Variants in AKAP7 observed in about 807,000 individuals in gnomAD.
The protein encoded by AKAP7 is A-kinase anchoring protein 7.
AKAP7 carries 39 observed loss-of-function variants against 39.5 expected under a neutral mutation model. The observed-to-expected ratio is 0.99, with a 90% CI of 0.76 to 1.29. The LOEUF is 1.29. AKAP7 is among the 50% of genes most tolerant of loss of function. The probability of loss-of-function intolerance (pLI) is 0.00; values close to 1 mark genes in which losing one functional copy is unlikely to be tolerated. For missense variants in AKAP7, 414 were observed against 407.7 expected (o/e 1.02, Z -0.13); for synonymous variants, 140 against 139.1 (o/e 1.01, Z -0.05).
At chr6:131,174,914 C>A (rs1804428023) in intron 5 of AKAP7, among the ~76,000 whole-genome samples, 1 of 100,184 alleles carries the variant, frequency 1.0e-5, no homozygotes, top group Non-Finnish European at 2.5e-5. Context: ...GCCCAGAACC[C>A]TGCGTAGTCA....
chr6:131,175,351 G>A (rs1189109632), intron 5 of AKAP7, among the ~76,000 whole-genome samples: 4 of 152,124 alleles, frequency 2.6e-5, no homozygotes, highest in Admixed American at 6.6e-5. Flanking sequence ...GTTCAAACCT[G>A]TGTTGTTCAA....
intron 7 of AKAP7, among the ~76,000 whole-genome samples, chr6:131,234,878 GATTTTTTTATTTT>G (rs1386854253): frequency 6.6e-6 from 1 of 150,570 alleles, no homozygotes; most frequent in East Asian, 2.0e-4. Context: ...AATGATCAGT[GATTTTTTTATTTT>G]ATTTTTTTAT....
At chr6:131,245,259 T>G (rs979716564) in intron 7 of AKAP7, among the ~76,000 whole-genome samples, 37 of 151,196 alleles carry the variant, frequency 2.4e-4, no homozygotes, top group Admixed American at 2.4e-3. Flanking sequence ...TTTTTTTTTT[T>G]TCTTGAGATG....
chr6:131,265,645 A>G (rs970217987), intron 7 of AKAP7, among the ~76,000 whole-genome samples: 3 of 152,224 alleles, frequency 2.0e-5, no homozygotes, highest in African/African-American at 7.2e-5. Flanking sequence ...AGAACAAAAA[A>G]AAATTACAGA....
chr6:131,268,051 A>G (rs1169799338), intron 7 of AKAP7, among the ~76,000 whole-genome samples: 1 of 152,182 alleles, frequency 6.6e-6, no homozygotes, highest in African/African-American at 2.4e-5. Flanking sequence ...GTATTGCATT[A>G]GAAGGAAGGG....
chr6:131,244,845 A>G (rs1232255584), intron 7 of AKAP7, among the ~76,000 whole-genome samples: 1 of 151,994 alleles, frequency 6.6e-6, no homozygotes, highest in Non-Finnish European at 1.5e-5. Flanking sequence ...AGAAAAAAAA[A>G]TTCTCTTTCC....
At position 131,169,113 on chromosome 6, in the gene AKAP7, T is replaced by C; in HGVS notation, c.429T>C (p.Ile143=). Residue 143 remains isoleucine, a splice_region_variant and synonymous_variant, in exon 5 of 8, where the codon ATT becomes ATC. Coordinates refer to ENST00000431975, the MANE Select transcript of AKAP7 (RefSeq NM_016377.4). ...TGAAAAATGTATTATTTCTTACTAG[T>C]GGTATTGATGCTCTTTTGGAATTGA... ...MQLLNEDEVN[I]GIDALLELKP... The C allele has an allele frequency of 1.2e-6, 2 of 1,602,414 alleles. No homozygotes were observed. The highest frequency in any genetic ancestry group is 1.7e-6 in the Non-Finnish European group (2 of 1,170,308).
chr6:131,171,362 C>T (rs1249271049), intron 5 of AKAP7, among the ~76,000 whole-genome samples: 1 of 152,090 alleles, frequency 6.6e-6, no homozygotes, highest in South Asian at 2.1e-4. Flanking sequence ...TTTGAGTTGA[C>T]ATTTGAAGGG....
At position 131,242,133 on chromosome 6, in the gene AKAP7, A is replaced by G. The variant is rs1038993781; in HGVS notation, c.850+22325A>G. The G allele has an allele frequency of 2.9e-5, 29 of 984,572 alleles. 1 individual carries two copies. In the East Asian group the frequency reaches 4.5e-4, roughly 15 times the overall value. The allele number at this position is 984,572 out of a possible 1,614,324, so 61.0% of individuals were successfully genotyped here. On this transcript the variant is annotated intron_variant, in intron 7 of 7. Transcript: ENST00000431975. ...CAACTGAGAAAACAACAGTTTGTCAATTCATGAATTGTGGTTCTATTTGAT... is the reference window on the plus strand; with the variant it reads ...CAACTGAGAAAACAACAGTTTGTCAGTTCATGAATTGTGGTTCTATTTGAT...
At chr6:131,240,559 T>C (rs1338832113) in intron 7 of AKAP7, among the ~76,000 whole-genome samples, 1 of 152,242 alleles carries the variant, frequency 6.6e-6, no homozygotes, top group Non-Finnish European at 1.5e-5. Flanking sequence ...CTCCACCCAG[T>C]TGGAGCTTCC....
At chr6:131,201,233 T>C (rs2128282626) in intron 6 of AKAP7, among the ~76,000 whole-genome samples, 1 of 152,136 alleles carries the variant, frequency 6.6e-6, no homozygotes, top group Admixed American at 6.5e-5. Context: ...TCACGCAGAG[T>C]CATTTCTACG....
chr6:131,231,153 A>G (rs1355096245), intron 7 of AKAP7, among the ~76,000 whole-genome samples: 1 of 152,152 alleles, frequency 6.6e-6, no homozygotes, highest in African/African-American at 2.4e-5. Flanking sequence ...GTTAAATATG[A>G]ATTGGTTTGA....
intron 5 of AKAP7, among the ~76,000 whole-genome samples, chr6:131,189,699 G>T (rs1257771827): frequency 1.3e-5 from 2 of 152,096 alleles, no homozygotes; most frequent in African/African-American, 4.8e-5. Context: ...ATTTGTTAGG[G>T]TTACAAATGT....
At position 131,229,882 on chromosome 6, in the gene AKAP7, A is replaced by T. The variant is rs557499656; in HGVS notation, c.850+10074A>T. 1.2e-4 allele frequency among the ~76,000 whole-genome samples: 18 copies of T among 152,226 alleles called. No individual in the cohort carries two copies. The South Asian group carries it at 3.7e-3, about 32-fold the overall frequency. ...TTTCTAGGGAGATGGGGGTGATATT[A>T]ATTAATGTGTTTTTAATTGTTGCTG... On this transcript the variant is annotated intron_variant, in intron 7 of 7. Coordinates refer to ENST00000431975, the MANE Select transcript of AKAP7 (RefSeq NM_016377.4).
intron 5 of AKAP7, among the ~76,000 whole-genome samples, chr6:131,178,873 C>T (rs1190624902): frequency 1.3e-5 from 2 of 152,186 alleles, no homozygotes; most frequent in Non-Finnish European, 2.9e-5. Context: ...TGGTCCACTG[C>T]CTATATCTCC....
In AKAP7 at chr6:131,281,865, A is replaced by G. The variant is rs527405417; in HGVS notation, c.*139A>G. On this transcript the variant is annotated 3_prime_UTR_variant, in exon 8 of 8. Transcript: ENST00000431975. The surrounding 1 kb of genome is among the most constrained non-coding windows in gnomAD (Gnocchi z 4.0). ...TGAAGATTGCCTAATACTTTTCATG[A>G]TCGATGTGTTCGCATTGCTGAAACA... 7.8e-7 allele frequency: 1 copy of G among 1,282,414 alleles called. No individual in the cohort carries two copies. Among genetic ancestry groups the G allele is most frequent in the South Asian group, 3.2e-5 (1 of 31,074 alleles). 79.4% of individuals were successfully genotyped at this position (1,282,414 alleles called of 1,614,324 possible). A position where few individuals can be genotyped will look rare whatever the true frequency, so the allele number is the denominator to read the frequency against.
At chr6:131,167,686 C>A (rs559716987) in intron 4 of AKAP7, among the ~76,000 whole-genome samples, 17 of 151,454 alleles carry the variant, frequency 1.1e-4, no homozygotes, top group Admixed American at 6.6e-5. Flanking sequence ...ATTTCCAAAG[C>A]GAAATGACAA....
intron 5 of AKAP7, among the ~76,000 whole-genome samples, chr6:131,183,697 C>T (rs987498388): frequency 6.6e-6 from 1 of 152,068 alleles, no homozygotes; most frequent in African/African-American, 2.4e-5. Context: ...GCTGCTGCTC[C>T]CCCTGGGGTG....
chr6:131,250,332 C>T, intron 7 of AKAP7: 1 of 1,334,732 alleles, frequency 7.5e-7, no homozygotes, highest in Non-Finnish European at 9.7e-7. Context: ...GAATGCCAGT[C>T]CCAGAGCAGT....
Sources: gnomAD v4.1 joint callset for allele counts (sites outside exome capture counted in the v4.1 genomes callset) on GRCh38, gnomAD v4.1.1 for gene constraint, Gnocchi (gnomAD v3.1) non-coding constraint, MANE v1.5 for transcripts, NCBI Gene and HGNC (gene_info 2026-07-23, HGNC 2026-07-21) for gene names.